SORCS2: variants seen among roughly 807,000 people sequenced by gnomAD.
SORCS2 encodes the protein sortilin related VPS10 domain containing receptor 2.
Under a neutral mutation model 141.6 loss-of-function variants are expected in SORCS2, and 100 were observed. The observed-to-expected ratio is 0.71, with a 90% confidence interval of 0.60 to 0.83. SORCS2 has a LOEUF of 0.83. Among genes scored for constraint, SORCS2 ranks in the 40% least tolerant of loss-of-function variants. The pLI is 0.00. For synonymous variants in SORCS2, 789 were observed against 676.9 expected (o/e 1.17, Z -2.57); for missense variants, 1,646 against 1,560.2 (o/e 1.05, Z -0.93).
Position 7,232,587 on chromosome 4 carries a change from C to T in SORCS2, c.480+39461C>T, listed in dbSNP as rs114870131. Reference sequence around the variant, plus strand: ...TCGTGGTCCGTGACCTTTAGACTCCCGCTCAGCTCCTACATTTCAATCTGA... The same window carrying T: ...TCGTGGTCCGTGACCTTTAGACTCCTGCTCAGCTCCTACATTTCAATCTGA... On this transcript the variant is annotated intron_variant, in intron 1 of 26. Coordinates refer to ENST00000507866, the MANE Select transcript of SORCS2 (RefSeq NM_020777.3). 5.2e-3 allele frequency among the ~76,000 whole-genome samples: 795 copies of T among 152,340 alleles called. 4 individuals carry two copies. The highest frequency in any genetic ancestry group is 0.014 in the Middle Eastern group (4 of 294).
rs1404882037 is a variant in SORCS2 at position 7,427,924 on chromosome 4, C to T, written c.548+31569C>T. ...ACCAGCTTTGGAGGGGGCAGGCATC[C>T]GAACCATATCACCACCCCTGAGGGC... On this transcript the variant is annotated intron_variant, in intron 2 of 26. Transcript: ENST00000507866. Among the ~76,000 whole-genome samples the T allele has an allele frequency of 4.6e-5, 7 of 152,158 alleles. No homozygotes were observed. The South Asian group carries it at 6.2e-4, about 14-fold the overall frequency.
chr4:7,487,423 C>G (rs1731057941), intron 2 of SORCS2, among the ~76,000 whole-genome samples: 1 of 152,194 alleles, frequency 6.6e-6, no homozygotes, highest in Non-Finnish European at 1.5e-5. Context: ...TCCACTTCCC[C>G]CTCCCCTTGT....
intron 1 of SORCS2, among the ~76,000 whole-genome samples, chr4:7,295,294 T>C (rs1001952895): frequency 7.0e-6 from 1 of 141,954 alleles, no homozygotes; most frequent in Non-Finnish European, 1.5e-5. Flanking sequence ...CAGCAGCCCC[T>C]CTGAGCCCAG....
intron 1 of SORCS2, among the ~76,000 whole-genome samples, chr4:7,388,019 TAC>T (rs1212051203): frequency 1.1e-5 from 1 of 87,990 alleles, no homozygotes; most frequent in African/African-American, 5.5e-5. Context: ...TGCATACAGA[TAC>T]ACAGATACGC....
At chr4:7,275,357 C>G (rs1715434156) in intron 1 of SORCS2, among the ~76,000 whole-genome samples, 1 of 152,140 alleles carries the variant, frequency 6.6e-6, no homozygotes, top group African/African-American at 2.4e-5. Context: ...TGAAATGTAT[C>G]CAAATAAACC....
intron 3 of SORCS2, among the ~76,000 whole-genome samples, chr4:7,573,944 G>C (rs181528291): frequency 6.6e-6 from 1 of 152,192 alleles, no homozygotes; most frequent in Non-Finnish European, 1.5e-5. Context: ...TGGCACACGC[G>C]TCCACTCAGG....
rs73216624 is a variant in SORCS2 at position 7,604,037 on chromosome 4, T to A, written c.649-34291T>A. On this transcript the variant is annotated intron_variant, in intron 3 of 26. Transcript: ENST00000507866. The stretch of plus-strand genomic sequence containing the variant: ...TTTGTTGTGTGTTGTGTGTGACTTG[T>A]ACGGTGTGTGTGACTGCTGTGTGTG... 9.2e-3 allele frequency among the ~76,000 whole-genome samples: 1,404 copies of A among 152,302 alleles called. 10 individuals are homozygous for A. Among genetic ancestry groups the A allele is most frequent in the Middle Eastern group, 0.024 (7 of 294 alleles).
At chr4:7,706,027 G>A (rs905851088) in intron 14 of SORCS2, among the ~76,000 whole-genome samples, 3 of 144,266 alleles carry the variant, frequency 2.1e-5, no homozygotes, top group Non-Finnish European at 3.2e-5. Flanking sequence ...GCTGGGCTCT[G>A]TCTGGGCAGG....
intron 3 of SORCS2, among the ~76,000 whole-genome samples, chr4:7,612,338 G>A (rs1355142822): frequency 1.3e-5 from 2 of 152,180 alleles, no homozygotes; most frequent in African/African-American, 2.4e-5. Context: ...AACTCTCCCA[G>A]TAGAGCTAGG....
chr4:7,370,350 GC>G (rs1722174640), intron 1 of SORCS2, among the ~76,000 whole-genome samples: 1 of 152,128 alleles, frequency 6.6e-6, no homozygotes, highest in African/African-American at 2.4e-5. Context: ...GGGCCCCTGG[GC>G]TACCTGCTCT....
chr4:7,576,918 G>A (rs926304566), intron 3 of SORCS2, among the ~76,000 whole-genome samples: 4 of 152,194 alleles, frequency 2.6e-5, no homozygotes, highest in South Asian at 4.1e-4. Context: ...AAATGGGGCC[G>A]GGTTATCGCA....
At chr4:7,301,002 C>T (rs1238226503) in intron 1 of SORCS2, among the ~76,000 whole-genome samples, 3 of 152,172 alleles carry the variant, frequency 2.0e-5, no homozygotes. Context: ...GCCCAGCTGT[C>T]TGTGAGGTGC....
intron 2 of SORCS2, among the ~76,000 whole-genome samples, chr4:7,515,890 T>C (rs567148993): frequency 6.6e-6 from 1 of 152,286 alleles, no homozygotes; most frequent in Admixed American, 6.5e-5. Context: ...TTGGTTGCCG[T>C]GTCACCTCGA....
rs889842839 is a variant in SORCS2 at position 7,403,901 on chromosome 4, C to T, written c.548+7546C>T. 2.0e-5 allele frequency among the ~76,000 whole-genome samples: 3 copies of T among 146,824 alleles called. No homozygotes were observed. The East Asian group carries it at 6.2e-4, about 30-fold the overall frequency. The stretch of plus-strand genomic sequence containing the variant: ...GAAGTAATTTTGAATACTCCACCCC[C>T]CCGTACCCCATCACAATTCCAAGTC... On this transcript the variant is annotated intron_variant, in intron 2 of 26. Transcript: ENST00000507866.
intron 19 of SORCS2, among the ~76,000 whole-genome samples, 153 bp downstream of exon 19, chr4:7,724,036 C>T (rs1726789720): frequency 6.6e-6 from 1 of 152,138 alleles, no homozygotes; most frequent in Non-Finnish European, 1.5e-5. Context: ...AGGCTGGGCT[C>T]AAACCCGCAC....
chr4:7,650,294 GC>G, intron 4 of SORCS2, among the ~76,000 whole-genome samples: 1 of 152,196 alleles, frequency 6.6e-6, no homozygotes, highest in East Asian at 1.9e-4. Flanking sequence ...GAGGCAAAGG[GC>G]CCGGCTGGTG....
chr4:7,479,824 C>G (rs1168426091), intron 2 of SORCS2, among the ~76,000 whole-genome samples: 2 of 152,262 alleles, frequency 1.3e-5, no homozygotes, highest in African/African-American at 4.8e-5. Context: ...GTCAGCCTCT[C>G]ACTCTCTGAC....
intron 2 of SORCS2, among the ~76,000 whole-genome samples, chr4:7,438,458 G>C (rs1185120748): frequency 6.6e-6 from 1 of 152,116 alleles, no homozygotes; most frequent in Non-Finnish European, 1.5e-5. Context: ...ATTTAGAAAG[G>C]TATTCTGAAA....
intron 2 of SORCS2, among the ~76,000 whole-genome samples, chr4:7,402,315 C>T (rs1030039793): frequency 1.3e-5 from 2 of 152,182 alleles, no homozygotes; most frequent in African/African-American, 2.4e-5. Context: ...TGTGGGTCAT[C>T]CCCCTTTTAT....
Sources: allele counts gnomAD v4.1 joint callset (sites outside exome capture counted in the v4.1 genomes callset), GRCh38; gene constraint gnomAD v4.1.1; transcripts MANE v1.5; gene names NCBI Gene and HGNC (gene_info 2026-07-23, HGNC 2026-07-21).